Variants in GRM8 observed in about 807,000 individuals in gnomAD.
The protein encoded by GRM8 is metabotropic glutamate receptor 8.
A neutral mutation model predicts 87.2 loss-of-function variants in GRM8; 47 were observed. The ratio of observed to expected loss-of-function variants is 0.54; its 90% CI spans 0.43 to 0.69. GRM8 has a LOEUF of 0.69. Among genes scored for constraint, GRM8 ranks in the 30% least tolerant of loss-of-function variants. The pLI, the probability that GRM8 is intolerant of heterozygous loss-of-function variation, is 0.00. For missense variants in GRM8, 1,019 were observed against 1,139.2 expected (o/e 0.89, Z 1.52); for synonymous variants, 396 against 404.5 (o/e 0.98, Z 0.25).
At chr7:126,914,432 G>A (rs1803648632) in intron 3 of GRM8, among the ~76,000 whole-genome samples, 1 of 152,070 alleles carries the variant, frequency 6.6e-6, no homozygotes, top group Non-Finnish European at 1.5e-5. Flanking sequence ...TCTACCCAAA[G>A]GAAAAGAAAT....
intron 7 of GRM8, among the ~76,000 whole-genome samples, chr7:126,744,987 GTAAC>G (rs1257308731): frequency 1.3e-5 from 2 of 151,612 alleles, no homozygotes; most frequent in African/African-American, 4.8e-5. Context: ...TTTTTAGAAT[GTAAC>G]TTATTATTTT....
intron 6 of GRM8, among the ~76,000 whole-genome samples, chr7:126,830,925 A>G (rs1035404553): frequency 1.6e-4 from 25 of 152,244 alleles, no homozygotes; most frequent in Admixed American, 1.3e-4. Flanking sequence ...TCTAACAGAC[A>G]GGACCCTCAG....
intron 6 of GRM8, among the ~76,000 whole-genome samples, chr7:126,801,178 C>G (rs903508270): frequency 2.6e-5 from 4 of 152,084 alleles, no homozygotes; most frequent in Non-Finnish European, 4.4e-5. Flanking sequence ...TACTAATGTC[C>G]TATATACTGC....
intron 1 of GRM8, chr7:127,251,011 A>G (rs557957640): frequency 1.3e-5 from 2 of 152,142 alleles, no homozygotes; most frequent in East Asian, 1.9e-4. Context: ...AGTAGCCCAG[A>G]CTCTAGTGTA....
intron 8 of GRM8, among the ~76,000 whole-genome samples, chr7:126,550,302 A>C (rs911843554): frequency 2.6e-5 from 4 of 151,832 alleles, no homozygotes; most frequent in Non-Finnish European, 5.9e-5. Context: ...TTTAGTAGAG[A>C]TGGGTCTCAC....
intron 7 of GRM8, among the ~76,000 whole-genome samples, chr7:126,695,676 T>A (rs1464491023): frequency 6.6e-6 from 1 of 152,072 alleles, no homozygotes; most frequent in Non-Finnish European, 1.5e-5. Context: ...ATGATTAAGG[T>A]TTTTATTCGG....
At chr7:126,905,449 A>T (rs1461216812) in intron 3 of GRM8, among the ~76,000 whole-genome samples, 1 of 152,234 alleles carries the variant, frequency 6.6e-6, no homozygotes, top group East Asian at 1.9e-4. Flanking sequence ...AGTTGCAGTG[A>T]AACAGAGATA....
chr7:127,137,546 A>G (rs1399240318), intron 2 of GRM8, among the ~76,000 whole-genome samples: 1 of 152,184 alleles, frequency 6.6e-6, no homozygotes, highest in African/African-American at 2.4e-5. Flanking sequence ...CATAAAATGA[A>G]GAGTGTTCAT....
At chr7:126,662,642 G>A (rs1805320308) in intron 7 of GRM8, among the ~76,000 whole-genome samples, 1 of 152,118 alleles carries the variant, frequency 6.6e-6, no homozygotes, top group Non-Finnish European at 1.5e-5. Context: ...TAGTACAGAG[G>A]AGAATGTTCC....
At chr7:126,545,306 A>G (rs1186897148) in intron 8 of GRM8, among the ~76,000 whole-genome samples, 1 of 152,230 alleles carries the variant, frequency 6.6e-6, no homozygotes, top group African/African-American at 2.4e-5. Context: ...TATGCAGGGC[A>G]CATATGGTAT....
intron 7 of GRM8, among the ~76,000 whole-genome samples, chr7:126,720,559 G>A (rs117174709): frequency 0.016 from 2,452 of 152,158 alleles, 34 homozygotes; most frequent in Middle Eastern, 0.031. Context: ...CAAAAATGTT[G>A]CAGTATATTC....
At chr7:126,604,796 C>T (rs985446474) in intron 8 of GRM8, among the ~76,000 whole-genome samples, 5 of 152,100 alleles carry the variant, frequency 3.3e-5, no homozygotes, top group Admixed American at 2.0e-4. Context: ...GCTCAGTATC[C>T]TGTCAGAAGT....
intron 2 of GRM8, among the ~76,000 whole-genome samples, chr7:127,146,514 C>T (rs1828564341): frequency 2.0e-5 from 3 of 151,980 alleles, no homozygotes; most frequent in Admixed American, 6.6e-5. Flanking sequence ...CAGGGACAAA[C>T]CCAGGAAAAC....
chr7:127,244,920 C>T (rs1232663745), intron 1 of GRM8, among the ~76,000 whole-genome samples: 1 of 152,164 alleles, frequency 6.6e-6, no homozygotes, highest in Non-Finnish European at 1.5e-5. Context: ...TAGTTCTGTG[C>T]AGCCTAAGAC....
chr7:126,900,481 C>T (rs551322711), intron 6 of GRM8, among the ~76,000 whole-genome samples: 4,223 of 91,936 alleles, frequency 0.046, 79 homozygotes, highest in Non-Finnish European at 0.062. Context: ...GTGTTACATC[C>T]CTAGCTAGCT....
chr7:126,855,420 C>T (rs191338858), intron 6 of GRM8, among the ~76,000 whole-genome samples: 9 of 151,126 alleles, frequency 6.0e-5, no homozygotes, highest in East Asian at 2.0e-4. Context: ...TCCAAAGTCA[C>T]GGTAGGAAGT....
chr7:126,589,688 A>G (rs561782997), intron 8 of GRM8, among the ~76,000 whole-genome samples: 61 of 152,264 alleles, frequency 4.0e-4, no homozygotes, highest in South Asian at 8.3e-4. Flanking sequence ...AGTGCAATAA[A>G]CAACAATAAT....
chr7:126,593,432 C>A (rs376842655), intron 8 of GRM8, among the ~76,000 whole-genome samples: 1 of 151,754 alleles, frequency 6.6e-6, no homozygotes, highest in South Asian at 2.1e-4. Flanking sequence ...AATAGAGAGC[C>A]CTGAAATAAA....
intron 9 of GRM8, among the ~76,000 whole-genome samples, chr7:126,500,063 C>A (rs1053174853): frequency 2.0e-5 from 3 of 151,814 alleles, no homozygotes; most frequent in Non-Finnish European, 4.4e-5. Flanking sequence ...CTTATGATTT[C>A]TTTATGATGA....
Sources: gnomAD v4.1 joint callset for allele counts (sites outside exome capture counted in the v4.1 genomes callset) on GRCh38, gnomAD v4.1.1 for gene constraint, MANE v1.5 for transcripts, NCBI Gene and HGNC (gene_info 2026-07-23, HGNC 2026-07-21) for gene names.